The following PSD3 variants were observed in gnomAD, a reference collection of about 807,000 sequenced individuals.
The protein encoded by PSD3 is PH and SEC7 domain-containing protein 3.
PSD3 carries 49 observed loss-of-function variants against 105.5 expected under a neutral mutation model. That is an observed-to-expected ratio of 0.46 (90% CI 0.37 to 0.59). The LOEUF is 0.59. Among genes scored for constraint, PSD3 ranks in the 20% least tolerant of loss-of-function variants. The probability of loss-of-function intolerance (pLI) is 0.00; values close to 1 mark genes in which losing one functional copy is unlikely to be tolerated. For missense variants in PSD3, 1,561 were observed against 1,263.8 expected, an observed-to-expected ratio of 1.24 and a Z score of -3.57; for synonymous variants, 557 against 457.8, an observed-to-expected ratio of 1.22 and a Z score of -2.77.
chr8:18,977,097 T>C (rs1427764464), intron 1 of PSD3, among the ~76,000 whole-genome samples: 2 of 151,906 alleles, frequency 1.3e-5, no homozygotes, highest in South Asian at 2.1e-4. Flanking sequence ...CCATTTCTAC[T>C]AAAAATACAA....
Position 18,532,116 on chromosome 8 carries a change from TAAAAA to T in PSD3, c.*3622_*3626del, listed in dbSNP as rs992916111. 1.3e-5 allele frequency: 2 copies of T among 152,180 alleles called. No homozygotes were observed. The highest frequency in any genetic ancestry group is 4.8e-5 in the African/African-American group (2 of 41,448). The allele number at this position is 152,180 out of a possible 1,614,324, so 9.4% of individuals were successfully genotyped here. ...TTTCTTCCAATTGTCAATGATTAGT[TAAAAA>T]GAAAAGAGTGCAGCTCATGACAAGC... On this transcript the variant is annotated 3_prime_UTR_variant, in exon 16 of 16. Transcript: ENST00000327040.
chr8:18,851,616 C>T (rs1382885759), intron 4 of PSD3, among the ~76,000 whole-genome samples: 2 of 152,230 alleles, frequency 1.3e-5, no homozygotes, highest in African/African-American at 2.4e-5. Context: ...CTCTTGGTGA[C>T]ACAACCCAGC....
At chr8:19,074,613 T>TATATATATATATTTATA (rs1563546655) in intron 1 of PSD3, among the ~76,000 whole-genome samples, 1 of 6,824 alleles carries the variant, frequency 1.5e-4, no homozygotes, top group Non-Finnish European at 3.0e-4. Flanking sequence ...ATATATATAT[T>TATATATATATATTTATA]TTTTTTTTTT....
At chr8:18,859,223 C>G (rs1816249746) in intron 4 of PSD3, among the ~76,000 whole-genome samples, 1 of 131,494 alleles carries the variant, frequency 7.6e-6, no homozygotes, top group South Asian at 2.5e-4. Flanking sequence ...TCAAAGAAAT[C>G]CTTTTTTTTT....
At chr8:19,070,369 CAAA>C (rs10561436) in intron 1 of PSD3, among the ~76,000 whole-genome samples, 15,374 of 133,516 alleles carry the variant, frequency 0.12, 1,720 homozygotes, top group African/African-American at 0.32. Context: ...ATGTCATGTG[CAAA>C]AAAAAAAAAA....
chr8:18,922,273 T>G (rs571290490), intron 2 of PSD3, among the ~76,000 whole-genome samples: 1 of 152,230 alleles, frequency 6.6e-6, no homozygotes, highest in African/African-American at 2.4e-5. Flanking sequence ...GTTCTGTAAG[T>G]CAATAAAAGG....
intron 1 of PSD3, among the ~76,000 whole-genome samples, chr8:19,049,523 C>T (rs1173261917): frequency 6.6e-6 from 1 of 151,918 alleles, no homozygotes; most frequent in Non-Finnish European, 1.5e-5. Context: ...GACCCTACCT[C>T]TGCAAAATTT....
At chr8:18,902,202 T>C (rs1422313713) in intron 2 of PSD3, among the ~76,000 whole-genome samples, 3 of 152,340 alleles carry the variant, frequency 2.0e-5, no homozygotes, top group African/African-American at 4.8e-5. Flanking sequence ...ATTTATTTAC[T>C]TAATGGTGTC....
intron 9 of PSD3, among the ~76,000 whole-genome samples, chr8:18,714,895 G>GAT (rs774010917): frequency 1.4e-4 from 21 of 152,172 alleles, no homozygotes; most frequent in Non-Finnish European, 2.9e-4. Context: ...GTCCATCAGT[G>GAT]ATAGACTGCA....
chr8:18,894,838 G>C (rs577186460), intron 2 of PSD3, among the ~76,000 whole-genome samples: 1 of 152,154 alleles, frequency 6.6e-6, no homozygotes, highest in Non-Finnish European at 1.5e-5. Flanking sequence ...CTCACTTTGC[G>C]GGAAGGTCTG....
chr8:18,701,509 C>T (rs548101948), intron 9 of PSD3, among the ~76,000 whole-genome samples: 3 of 152,202 alleles, frequency 2.0e-5, no homozygotes, highest in Admixed American at 1.3e-4. Context: ...ACAATCACAT[C>T]GTTTATCAAT....
intron 12 of PSD3, among the ~76,000 whole-genome samples, chr8:18,577,248 T>C (rs73211735): frequency 0.036 from 5,536 of 152,178 alleles, 171 homozygotes; most frequent in East Asian, 0.12. Context: ...ATAATTTTAT[T>C]GGCTTATGAC....
In PSD3 at chr8:18,840,363, G is replaced by A. The variant is rs146716018; in HGVS notation, c.1634+27311C>T. 2.9e-4 allele frequency among the ~76,000 whole-genome samples: 44 copies of A among 152,266 alleles called. No individual in the cohort carries two copies. The East Asian group carries it at 4.8e-3, about 17-fold the overall frequency. On this transcript the variant is annotated intron_variant, in intron 4 of 15. Coordinates refer to ENST00000327040, the MANE Select transcript of PSD3 (RefSeq NM_015310.4). ...TGACCTGAAGGGGGTTGGTAGGGTT[G>A]GTACAGACATTCTGCTGTCCTTAAA...
At chr8:18,934,797 T>TA (rs1821999925) in intron 2 of PSD3, among the ~76,000 whole-genome samples, 1 of 152,206 alleles carries the variant, frequency 6.6e-6, no homozygotes, top group African/African-American at 2.4e-5. Flanking sequence ...TCAGAGAATA[T>TA]TAACCACATG....
rs996056993 is a variant in PSD3 at position 18,814,819 on chromosome 8, T to C, written c.1635-9921A>G. Among the ~76,000 whole-genome samples the C allele has an allele frequency of 4.6e-5, 7 of 152,324 alleles. No homozygotes were observed. In the East Asian group the frequency reaches 7.7e-4, roughly 17 times the overall value. On this transcript the variant is annotated intron_variant, in intron 4 of 15. Coordinates refer to ENST00000327040, the MANE Select transcript of PSD3 (RefSeq NM_015310.4). ...TTTCTGGAGTCTTCTTAAGATGCCA[T>C]TGGACATTCTCTTCTGTCTGAATTT...
intron 9 of PSD3, among the ~76,000 whole-genome samples, chr8:18,689,306 T>G (rs570112063): frequency 6.6e-6 from 1 of 152,090 alleles, no homozygotes; most frequent in Admixed American, 6.6e-5. Flanking sequence ...ATCTTCAGAG[T>G]ATCAATGAAC....
chr8:18,751,229 C>G (rs866140824), intron 9 of PSD3, among the ~76,000 whole-genome samples: 2 of 152,322 alleles, frequency 1.3e-5, no homozygotes. Context: ...GAGCACAGCG[C>G]TGGTGGGCCG....
chr8:18,978,287 G>C (rs1467005990), intron 1 of PSD3, among the ~76,000 whole-genome samples: 1 of 152,234 alleles, frequency 6.6e-6, no homozygotes, highest in African/African-American at 2.4e-5. Flanking sequence ...CGGACTCTGA[G>C]TGAACTGGGA....
chr8:18,738,659 C>CGT (rs1804332847), intron 9 of PSD3, among the ~76,000 whole-genome samples: 1 of 152,096 alleles, frequency 6.6e-6, no homozygotes, highest in Non-Finnish European at 1.5e-5. Context: ...AAACTGGCAT[C>CGT]TTACTCTCAG....
Sources: allele counts gnomAD v4.1 joint callset (sites outside exome capture counted in the v4.1 genomes callset), GRCh38; gene constraint gnomAD v4.1.1; transcripts MANE v1.5; gene names NCBI Gene and HGNC (gene_info 2026-07-23, HGNC 2026-07-21).